The following FRMPD4 variants were observed in gnomAD, a reference collection of about 807,000 sequenced individuals.
FRMPD4 encodes FERM and PDZ domain containing 4.
Under a neutral mutation model 94.1 loss-of-function variants are expected in FRMPD4, and 22 were observed. The observed-to-expected ratio is 0.23, with a 90% CI of 0.17 to 0.33. FRMPD4 has a LOEUF of 0.33. Among genes scored for constraint, FRMPD4 ranks in the 10% least tolerant of loss-of-function variants. FRMPD4 has a pLI of 1.00. For synonymous variants in FRMPD4, 631 were observed against 548.6 expected, an observed-to-expected ratio of 1.15 and a Z score of -2.10; for missense variants, 1,111 against 1,339.9, an observed-to-expected ratio of 0.83 and a Z score of 2.67.
intron 3 of FRMPD4, among the ~76,000 whole-genome samples, chrX:11,912,016 T>G (rs929319375): frequency 1.8e-5 from 2 of 111,551 alleles, no homozygotes; most frequent in Admixed American, 1.9e-4. Context: ...AGGAAGAGAT[T>G]AGCAGTACAT....
chrX:12,588,583 G>A (rs1440367206), intron 2 of FRMPD4, among the ~76,000 whole-genome samples: 2 of 112,302 alleles, frequency 1.8e-5, no homozygotes, highest in African/African-American at 6.5e-5. Context: ...TGAGCATAGC[G>A]ACAGAGATAA....
chrX:12,382,929 C>T (rs150969789), intron 1 of FRMPD4, among the ~76,000 whole-genome samples: 2 of 112,299 alleles, frequency 1.8e-5, no homozygotes, highest in East Asian at 2.8e-4. Flanking sequence ...AATAGGGACT[C>T]GGAAAACGTT....
intron 3 of FRMPD4, among the ~76,000 whole-genome samples, chrX:12,098,970 T>G (rs1231844932): frequency 9.7e-6 from 1 of 103,542 alleles, no homozygotes; most frequent in African/African-American, 3.5e-5. Flanking sequence ...TGTATATTTG[T>G]GATAAAAAAA....
intron 7 of FRMPD4, among the ~76,000 whole-genome samples, chrX:12,686,786 G>A (rs1437973982): frequency 1.8e-5 from 2 of 112,056 alleles, no homozygotes; most frequent in African/African-American, 6.5e-5. Context: ...AGAGCCACAG[G>A]TGAGTTTTAG....
rs1022906612 is a variant in FRMPD4 at position 11,903,280 on chromosome X, A to C, written c.95+25262A>C. On this transcript the variant is annotated intron_variant, in intron 3 of 18. Coordinates refer to the FRMPD4 transcript ENST00000640291. ...ATATGTTGCCCTGGCTTTCTAAACTATAATATTTTCTATTTTAATATTTAT... is the reference window on the plus strand; with the variant it reads ...ATATGTTGCCCTGGCTTTCTAAACTCTAATATTTTCTATTTTAATATTTAT... Among the ~76,000 whole-genome samples, 6 of 112,685 alleles carry C rather than the reference A, an allele frequency of 5.3e-5. No homozygotes were observed. In the Admixed American group the frequency reaches 5.6e-4, roughly 11 times the overall value.
chrX:12,115,819 C>T (rs886207901), intron 3 of FRMPD4, among the ~76,000 whole-genome samples: 4 of 110,872 alleles, frequency 3.6e-5, no homozygotes, highest in Non-Finnish European at 5.7e-5. Context: ...ATCACCTGGA[C>T]GACTTAAATT....
At chrX:12,436,075 C>T (rs762283782) in intron 1 of FRMPD4, among the ~76,000 whole-genome samples, 30 of 111,141 alleles carry the variant, frequency 2.7e-4, no homozygotes, top group East Asian at 5.6e-4. Context: ...GTGCAATCTG[C>T]GCTCACTGCA....
rs751971578 is a variant in FRMPD4, at chrX:12,452,942, C to T, written c.42-45738C>T. On this transcript the variant is annotated intron_variant, in intron 1 of 16. Coordinates refer to ENST00000675598, the MANE Select transcript of FRMPD4 (RefSeq NM_001368397.1). ...AAATGGCAAGCCCAGGCTTCCAGCC[C>T]GGCATGGATATAATTATCTCTACTT... Among the ~76,000 whole-genome samples, 15 of 111,856 alleles carry T rather than the reference C, an allele frequency of 1.3e-4. No homozygotes were observed. In the South Asian group the frequency reaches 2.2e-3, roughly 17 times the overall value.
intron 2 of FRMPD4, among the ~76,000 whole-genome samples, chrX:12,502,979 T>C (rs2057940434): frequency 8.9e-6 from 1 of 112,139 alleles, no homozygotes. Flanking sequence ...AAATACATGT[T>C]TAAAAGTCAG....
intron 1 of FRMPD4, among the ~76,000 whole-genome samples, chrX:12,181,658 G>T (rs1471226839): frequency 8.9e-6 from 1 of 111,845 alleles, no homozygotes; most frequent in Non-Finnish European, 1.9e-5. Context: ...TACATAAGTT[G>T]TGGGCTCTAG....
At chrX:12,498,977 A>G (rs1208134772) in intron 2 of FRMPD4, among the ~76,000 whole-genome samples, 181 bp downstream of exon 2, 1 of 110,669 alleles carries the variant, frequency 9.0e-6, no homozygotes, top group African/African-American at 3.3e-5. Context: ...TTATTTCTAT[A>G]CATTTATATT....
chrX:12,536,475 AAACT>A (rs1366302459), intron 2 of FRMPD4, among the ~76,000 whole-genome samples: 3 of 112,261 alleles, frequency 2.7e-5, no homozygotes, highest in East Asian at 5.6e-4. Context: ...ACAATAATTG[AAACT>A]AACAGAAGAA....
intron 3 of FRMPD4, among the ~76,000 whole-genome samples, chrX:12,024,737 G>A (rs1288280384): frequency 2.7e-5 from 3 of 111,921 alleles, no homozygotes; most frequent in African/African-American, 9.7e-5. Flanking sequence ...TATACAAATG[G>A]ATTTATACAA....
At chrX:12,165,217 A>G (rs781723752) in intron 1 of FRMPD4, among the ~76,000 whole-genome samples, 1 of 112,062 alleles carries the variant, frequency 8.9e-6, no homozygotes, top group African/African-American at 3.2e-5. Context: ...ATCTTGAATT[A>G]ATTTTTGTAT....
chrX:12,243,149 T>A (rs903946477), intron 1 of FRMPD4, among the ~76,000 whole-genome samples: 1 of 112,381 alleles, frequency 8.9e-6, no homozygotes, highest in African/African-American at 3.2e-5. Flanking sequence ...CTCAGAGTGT[T>A]GGGATTACAG....
intron 2 of FRMPD4, among the ~76,000 whole-genome samples, chrX:12,563,598 A>G (rs2058680362): frequency 8.9e-6 from 1 of 112,209 alleles, no homozygotes; most frequent in Non-Finnish European, 1.9e-5. Flanking sequence ...GTTGCTATTC[A>G]GTTGCCTATT....
chrX:12,066,828 T>TAA (rs797005075), intron 3 of FRMPD4, among the ~76,000 whole-genome samples: 4 of 100,126 alleles, frequency 4.0e-5, no homozygotes, highest in African/African-American at 7.2e-5. Context: ...TCCAAATACC[T>TAA]AAAAAAAAAA....
intron 1 of FRMPD4, among the ~76,000 whole-genome samples, chrX:12,441,154 T>TA (rs2057131859): frequency 8.9e-6 from 1 of 111,986 alleles, no homozygotes; most frequent in African/African-American, 3.2e-5. Context: ...ACTGTAAACT[T>TA]ACAATCGCCA....
At chrX:12,426,750 G>A (rs909712560) in intron 1 of FRMPD4, among the ~76,000 whole-genome samples, 8 of 111,540 alleles carry the variant, frequency 7.2e-5, no homozygotes, top group Non-Finnish European at 1.3e-4. Context: ...CTATCAGTCC[G>A]ATGGTTAATT....
Sources: allele counts gnomAD v4.1 joint callset (sites outside exome capture counted in the v4.1 genomes callset), GRCh38; gene constraint gnomAD v4.1.1; transcripts MANE v1.5; gene names NCBI Gene and HGNC (gene_info 2026-07-23, HGNC 2026-07-21).